Variants in SLC29A3 observed in about 807,000 individuals in gnomAD.
SLC29A3 encodes solute carrier family 29 member 3.
Under a neutral mutation model 25.4 loss-of-function variants are expected in SLC29A3, and 18 were observed. The ratio of observed to expected loss-of-function variants is 0.71; its 90% CI spans 0.49 to 1.05. The LOEUF (loss-of-function observed/expected upper bound fraction) is 1.05, where lower values mean the gene tolerates loss of function less well. SLC29A3 is among the 50% of genes least tolerant of loss of function. The pLI is 0.00. For synonymous variants in SLC29A3, 258 were observed against 267.1 expected, an observed-to-expected ratio of 0.97 and a Z score of 0.33; for missense variants, 586 against 609.0, an observed-to-expected ratio of 0.96 and a Z score of 0.40.
intron 2 of SLC29A3, among the ~76,000 whole-genome samples, chr10:71,324,528 G>A (rs1169867421): frequency 6.6e-6 from 1 of 152,172 alleles, no homozygotes; most frequent in African/African-American, 2.4e-5. Context: ...TTGAAAGCAG[G>A]TCTAGGACTT....
At chr10:71,342,529 G>A (rs1391440676) in intron 2 of SLC29A3, among the ~76,000 whole-genome samples, 2 of 152,244 alleles carry the variant, frequency 1.3e-5, no homozygotes, top group African/African-American at 2.4e-5. Flanking sequence ...GGGAACCTGA[G>A]CCTGCTCGAA....
intron 5 of SLC29A3, among the ~76,000 whole-genome samples, chr10:71,356,756 T>A (rs1223773319): frequency 1.3e-5 from 2 of 151,900 alleles, no homozygotes; most frequent in Non-Finnish European, 2.9e-5. Context: ...AGCCCAGGAG[T>A]TGGAGGCTGC....
At chr10:71,329,517 T>A (rs189190410) in intron 2 of SLC29A3, among the ~76,000 whole-genome samples, 6 of 151,610 alleles carry the variant, frequency 4.0e-5, no homozygotes, top group Non-Finnish European at 2.9e-5. Flanking sequence ...CTCACCCAAT[T>A]CTAATTCATT....
At chr10:71,377,953 G>C (rs1459562246) in intron 4 of SLC29A3, among the ~76,000 whole-genome samples, 1 of 151,940 alleles carries the variant, frequency 6.6e-6, no homozygotes, top group African/African-American at 2.4e-5. Context: ...TTGAACTTGG[G>C]TGGGCATGAA....
intron 3 of SLC29A3, among the ~76,000 whole-genome samples, chr10:71,346,745 G>A (rs991825302): frequency 6.6e-6 from 1 of 152,122 alleles, no homozygotes; most frequent in Non-Finnish European, 1.5e-5. Flanking sequence ...TCTGTGCTTG[G>A]AACCCCTGAG....
chr10:71,376,791 T>C (rs1201992371), intron 4 of SLC29A3, among the ~76,000 whole-genome samples: 2 of 151,912 alleles, frequency 1.3e-5, no homozygotes, highest in Non-Finnish European at 2.9e-5. Context: ...TGAGATGGAG[T>C]CTCCCTTCGT....
At chr10:71,339,481 G>C (rs1034309647) in intron 2 of SLC29A3, among the ~76,000 whole-genome samples, 1 of 152,134 alleles carries the variant, frequency 6.6e-6, no homozygotes, top group African/African-American at 2.4e-5. Flanking sequence ...CCTCTCCCAC[G>C]TGGGTTTGAG....
At chr10:71,347,187 G>C (rs1030790072) in intron 3 of SLC29A3, among the ~76,000 whole-genome samples, 42 of 152,120 alleles carry the variant, frequency 2.8e-4, no homozygotes, top group African/African-American at 8.9e-4. Flanking sequence ...TGGCTTTCCC[G>C]ACTGGCTTAT....
At chr10:71,372,902 G>C (rs890458502) in intron 3 of SLC29A3, among the ~76,000 whole-genome samples, 1 of 152,158 alleles carries the variant, frequency 6.6e-6, no homozygotes, top group East Asian at 1.9e-4. Flanking sequence ...ATATTGAGGA[G>C]GGAGGAGGGA....
At chr10:71,380,286 A>T (rs1322617506) in exon 5 of SLC29A3, 4 of 152,192 alleles carry the variant, frequency 2.6e-5, no homozygotes, top group Non-Finnish European at 4.4e-5. Context: ...TGTAGGAATG[A>T]TGGCTGTGTT....
chr10:71,346,755 G>A (rs1213856025), intron 3 of SLC29A3, among the ~76,000 whole-genome samples: 3 of 152,132 alleles, frequency 2.0e-5, no homozygotes, highest in Non-Finnish European at 4.4e-5. Flanking sequence ...GAACCCCTGA[G>A]CCACCTACAT....
chr10:71,354,642 GAGC>G (rs906622166), intron 4 of SLC29A3, among the ~76,000 whole-genome samples: 3 of 152,178 alleles, frequency 2.0e-5, no homozygotes, highest in African/African-American at 7.2e-5. Context: ...GATGGAGACA[GAGC>G]AGGCCATGCC....
downstream of SLC29A3, among the ~76,000 whole-genome samples, chr10:71,367,652 AG>A (rs756186843): frequency 3.9e-5 from 6 of 152,202 alleles, no homozygotes; most frequent in Non-Finnish European, 8.8e-5. Flanking sequence ...ACTCAACTTC[AG>A]GCTTCCCTGG....
chr10:71,368,025 C>G (rs1564545773), downstream of SLC29A3, among the ~76,000 whole-genome samples: 1 of 152,108 alleles, frequency 6.6e-6, no homozygotes, highest in Non-Finnish European at 1.5e-5. Context: ...GAGTTCAAGA[C>G]CAGCCTGGAC....
chr10:71,359,219 T>C (rs1165989391), intron 5 of SLC29A3, among the ~76,000 whole-genome samples: 2 of 152,178 alleles, frequency 1.3e-5, no homozygotes, highest in African/African-American at 4.8e-5. Flanking sequence ...GGACCGAAGC[T>C]TCTGTTTCTT....
intron 2 of SLC29A3, among the ~76,000 whole-genome samples, chr10:71,335,845 C>T (rs1846236085): frequency 6.6e-6 from 1 of 151,988 alleles, no homozygotes; most frequent in South Asian, 2.1e-4. Flanking sequence ...AGGTGAGCTT[C>T]TCCTACCACC....
At chr10:71,379,121 A>AT (rs1847282679) in intron 4 of SLC29A3, among the ~76,000 whole-genome samples, 1 of 152,196 alleles carries the variant, frequency 6.6e-6, no homozygotes, top group Non-Finnish European at 1.5e-5. Context: ...GGTTTGGAGG[A>AT]TTTAAGTGGC....
At chr10:71,369,630 C>G (rs1847196209) in intron 3 of SLC29A3, among the ~76,000 whole-genome samples, 1 of 152,224 alleles carries the variant, frequency 6.6e-6, no homozygotes, top group Non-Finnish European at 1.5e-5. Context: ...CTGCAATCCA[C>G]TGCTGGCCAT....
rs533921317 is a variant in SLC29A3, at chr10:71,333,179, A to G, written c.300+10125A>G. On this transcript the variant is annotated intron_variant, in intron 2 of 5. Coordinates refer to ENST00000373189, the MANE Select transcript of SLC29A3 (RefSeq NM_018344.6). Reference sequence around the variant, plus strand: ...GGAGCCCAGCGCTTTTGACACAGGCAGGCAGCCTGGGAAGGGTCTGCAGCA... The same window carrying G: ...GGAGCCCAGCGCTTTTGACACAGGCGGGCAGCCTGGGAAGGGTCTGCAGCA... Among the ~76,000 whole-genome samples the G allele has an allele frequency of 7.2e-5, 11 of 152,384 alleles. No homozygotes were observed. The East Asian group carries it at 2.1e-3, about 29-fold the overall frequency.
Sources: gnomAD v4.1 joint callset for allele counts (sites outside exome capture counted in the v4.1 genomes callset) on GRCh38, gnomAD v4.1.1 for gene constraint, MANE v1.5 for transcripts, NCBI Gene and HGNC (gene_info 2026-07-23, HGNC 2026-07-21) for gene names.